KATNIP: variants seen among roughly 807,000 people sequenced by gnomAD.
KATNIP encodes the protein katanin interacting protein, also known as katanin-interacting protein.
A neutral mutation model predicts 174.0 loss-of-function variants in KATNIP; 126 were observed. The ratio of observed to expected loss-of-function variants is 0.72; its 90% CI spans 0.63 to 0.84. KATNIP has a LOEUF of 0.84. Ranked by LOEUF, KATNIP falls within the 40% of genes least tolerant of loss-of-function variation. The pLI is 0.00. For missense variants in KATNIP, 1,958 were observed against 2,109.7 expected (o/e 0.93, Z 1.41); for synonymous variants, 810 against 835.7 (o/e 0.97, Z 0.53).
intron 2 of KATNIP, among the ~76,000 whole-genome samples, chr16:27,587,292 TC>T (rs1203812826): frequency 6.6e-6 from 1 of 152,196 alleles, no homozygotes; most frequent in Non-Finnish European, 1.5e-5. Context: ...CTCTGTCAGA[TC>T]CTGTCCACAC....
At chr16:27,689,978 A>G (rs563398192) in intron 8 of KATNIP, among the ~76,000 whole-genome samples, 1 of 152,248 alleles carries the variant, frequency 6.6e-6, no homozygotes, top group African/African-American at 2.4e-5. Flanking sequence ...CTGCTTGGTC[A>G]TGATTGCTAA....
chr16:27,574,048 C>T, intron 2 of KATNIP, 92 bp downstream of exon 2: 1 of 1,120,628 alleles, frequency 8.9e-7, no homozygotes, highest in Non-Finnish European at 1.3e-6. Context: ...CCTAAATATA[C>T]TCTTTTCTCT....
chr16:27,596,284 G>A (rs769273776), intron 2 of KATNIP, among the ~76,000 whole-genome samples: 2 of 152,028 alleles, frequency 1.3e-5, no homozygotes, highest in Non-Finnish European at 2.9e-5. Flanking sequence ...AGAGGCAGCT[G>A]GACTTGTTGG....
intron 6 of KATNIP, among the ~76,000 whole-genome samples, chr16:27,673,542 G>A (rs148344207): frequency 1.1e-3 from 175 of 152,284 alleles, no homozygotes; most frequent in African/African-American, 4.0e-3. Flanking sequence ...TGCTTTAATC[G>A]TTTCTCAGCC....
At chr16:27,712,522 G>C (rs193283026) in intron 13 of KATNIP, among the ~76,000 whole-genome samples, 6 of 152,160 alleles carry the variant, frequency 3.9e-5, no homozygotes, top group Admixed American at 1.3e-4. Context: ...GAGCTCACCC[G>C]ACAGCTGAGG....
intron 13 of KATNIP, 83 bp from the exon 14 acceptor site, chr16:27,721,475 G>T: frequency 1.3e-6 from 2 of 1,559,270 alleles, no homozygotes; most frequent in South Asian, 2.2e-5. Context: ...CCTGGTTTTC[G>T]TGAGCCAAAG....
At chr16:27,574,418 A>G (rs764610043) in intron 2 of KATNIP, 4 of 165,818 alleles carry the variant, frequency 2.4e-5, no homozygotes, top group African/African-American at 4.8e-5. Context: ...AATGGTATAC[A>G]TACTTCTCAT....
chr16:27,572,635 C>T (rs1484503235), intron 1 of KATNIP, among the ~76,000 whole-genome samples: 1 of 152,096 alleles, frequency 6.6e-6, no homozygotes, highest in Non-Finnish European at 1.5e-5. Flanking sequence ...ATCCATAGCA[C>T]AGCATACTGA....
chr16:27,664,594 G>A (rs1421907376), intron 6 of KATNIP, among the ~76,000 whole-genome samples: 2 of 152,212 alleles, frequency 1.3e-5, no homozygotes, highest in South Asian at 4.1e-4. Context: ...ATACTCATTA[G>A]CAAACCACCG....
intron 6 of KATNIP, chr16:27,669,427 C>A: frequency 3.2e-6 from 1 of 316,564 alleles, no homozygotes; most frequent in Non-Finnish European, 4.6e-6. Context: ...AGGGCTTGAA[C>A]TTAACATTTT....
At chr16:27,771,458 CTT>C in intron 21 of KATNIP, 128 bp from the exon 22 acceptor site, 1 of 787,352 alleles carries the variant, frequency 1.3e-6, no homozygotes, top group Non-Finnish European at 2.0e-6. Context: ...CCTCATCTCT[CTT>C]TTCCCTGCTG....
intron 1 of KATNIP, among the ~76,000 whole-genome samples, chr16:27,563,803 C>T (rs565971434): frequency 2.7e-5 from 4 of 145,862 alleles, no homozygotes; most frequent in Middle Eastern, 3.7e-3. Context: ...AATCCCAGCA[C>T]GTTGGGAAGC....
chr16:27,609,026 C>T (rs1375783667), intron 2 of KATNIP, among the ~76,000 whole-genome samples: 1 of 152,166 alleles, frequency 6.6e-6, no homozygotes, highest in African/African-American at 2.4e-5. Context: ...CACCCCCAAA[C>T]CTTTGTTCAT....
chr16:27,685,257 G>A (rs2078482376), intron 8 of KATNIP: 2 of 152,146 alleles, frequency 1.3e-5, no homozygotes, highest in Admixed American at 1.3e-4. Context: ...TGGACATGGT[G>A]GCACGCACCT....
chr16:27,558,450 T>C (rs1442616968), intron 1 of KATNIP, among the ~76,000 whole-genome samples: 1 of 152,206 alleles, frequency 6.6e-6, no homozygotes, highest in Non-Finnish European at 1.5e-5. Flanking sequence ...CAGTTTCTTT[T>C]TGTTTTAATC....
At chr16:27,657,646 T>G (rs2077341740) in intron 6 of KATNIP, among the ~76,000 whole-genome samples, 1 of 151,208 alleles carries the variant, frequency 6.6e-6, no homozygotes, top group Non-Finnish European at 1.5e-5. Flanking sequence ...ACGCAGTGGC[T>G]TATGTCTGTA....
chr16:27,757,509 G>A, intron 18 of KATNIP: 2 of 985,450 alleles, frequency 2.0e-6, no homozygotes, highest in Non-Finnish European at 2.4e-6. Flanking sequence ...GCCTGTAGAT[G>A]TGTTTCCTGC....
At chr16:27,721,184 C>G (rs2080222231) in intron 13 of KATNIP, among the ~76,000 whole-genome samples, 1 of 152,112 alleles carries the variant, frequency 6.6e-6, no homozygotes, top group Non-Finnish European at 1.5e-5. Flanking sequence ...CTCTGTTTGC[C>G]AGGTTAATCA....
At chr16:27,657,675 G>A (rs1030754758) in intron 6 of KATNIP, among the ~76,000 whole-genome samples, 1 of 152,190 alleles carries the variant, frequency 6.6e-6, no homozygotes, top group Non-Finnish European at 1.5e-5. Context: ...ACTTTGGGAG[G>A]CCGAGGTGGG....
Sources: allele counts gnomAD v4.1 joint callset (sites outside exome capture counted in the v4.1 genomes callset), GRCh38; gene constraint gnomAD v4.1.1; transcripts MANE v1.5; gene names NCBI Gene and HGNC (gene_info 2026-07-23, HGNC 2026-07-21).